The following EYA4 variants were observed in gnomAD, a reference collection of about 807,000 sequenced individuals.
The protein encoded by EYA4 is protein phosphatase EYA4.
EYA4 carries 31 observed loss-of-function variants against 87.9 expected under a neutral mutation model. The observed-to-expected ratio is 0.35, with a 90% confidence interval of 0.27 to 0.48. EYA4 has a LOEUF of 0.48. Ranked by LOEUF, EYA4 falls within the 20% of genes least tolerant of loss-of-function variation. EYA4 has a pLI of 0.99. For missense variants in EYA4, 678 were observed against 761.4 expected (o/e 0.89, Z 1.29); for synonymous variants, 263 against 270.6 (o/e 0.97, Z 0.28).
chr6:133,350,724 T>C (rs1425146884), intron 2 of EYA4, among the ~76,000 whole-genome samples: 1 of 152,128 alleles, frequency 6.6e-6, no homozygotes, highest in Non-Finnish European at 1.5e-5. Flanking sequence ...TCTTCACATT[T>C]GCTGATCTTT....
chr6:133,351,711 C>T (rs186483387), intron 2 of EYA4, among the ~76,000 whole-genome samples: 1 of 152,140 alleles, frequency 6.6e-6, no homozygotes, highest in Non-Finnish European at 1.5e-5. Context: ...TGTTTCATTA[C>T]AGGAAGGGTG....
chr6:133,382,286 T>A (rs529373917), intron 2 of EYA4, 106 bp from the exon 3 acceptor site: 472 of 818,794 alleles, frequency 5.8e-4, no homozygotes, highest in Non-Finnish European at 8.8e-4. Context: ...GGGGGGTATT[T>A]TATAGAGAAC....
chr6:133,357,600 A>G (rs1784164538), intron 2 of EYA4, among the ~76,000 whole-genome samples: 1 of 152,146 alleles, frequency 6.6e-6, no homozygotes, highest in African/African-American at 2.4e-5. Context: ...AAACACTTCC[A>G]TTTCCAGGTC....
chr6:133,352,054 G>T (rs564379034), intron 2 of EYA4, among the ~76,000 whole-genome samples: 2 of 150,716 alleles, frequency 1.3e-5, no homozygotes, highest in South Asian at 4.2e-4. Flanking sequence ...ACTTATTCTT[G>T]AACTATAGAT....
At chr6:133,400,173 C>T (rs1270586996) in intron 3 of EYA4, among the ~76,000 whole-genome samples, 1 of 152,094 alleles carries the variant, frequency 6.6e-6, no homozygotes, top group Non-Finnish European at 1.5e-5. Flanking sequence ...ATGTGCAAAA[C>T]AACACCATTA....
At chr6:133,351,165 G>A (rs1346264682) in intron 2 of EYA4, among the ~76,000 whole-genome samples, 1 of 152,150 alleles carries the variant, frequency 6.6e-6, no homozygotes, top group African/African-American at 2.4e-5. Flanking sequence ...GTATTATAGT[G>A]AGGCTGCTGA....
intron 13 of EYA4, among the ~76,000 whole-genome samples, chr6:133,504,852 A>G (rs1798453136): frequency 6.6e-6 from 1 of 152,150 alleles, no homozygotes; most frequent in Admixed American, 6.5e-5. Flanking sequence ...ACATTTCCCC[A>G]AGTTGAGATA....
intron 2 of EYA4, among the ~76,000 whole-genome samples, chr6:133,320,874 T>C (rs1781036641): frequency 6.6e-6 from 1 of 152,218 alleles, no homozygotes. Context: ...TATGGCCTCC[T>C]AGTATCCTGA....
chr6:133,412,595 T>C (rs1055384040), intron 3 of EYA4, among the ~76,000 whole-genome samples: 1 of 152,206 alleles, frequency 6.6e-6, no homozygotes, highest in Non-Finnish European at 1.5e-5. Context: ...TGTGAGAGCA[T>C]GTGTTTGTTA....
intron 2 of EYA4, among the ~76,000 whole-genome samples, chr6:133,352,230 TATACAATGTGATTCATATCAC>T (rs1486183647): frequency 2.6e-5 from 4 of 152,344 alleles, no homozygotes; most frequent in Non-Finnish European, 4.4e-5. Flanking sequence ...TCATCTTGTG[TATACAATGTGATTCATATCAC>T]ATACAATGTG....
At chr6:133,270,211 A>G (rs1288165165) in intron 1 of EYA4, among the ~76,000 whole-genome samples, 1 of 152,186 alleles carries the variant, frequency 6.6e-6, no homozygotes, top group Non-Finnish European at 1.5e-5. Context: ...ATTAACCATC[A>G]CAAGTCCACC....
Position 133,523,059 on chromosome 6 carries a change from T to C in EYA4, c.1620T>C (p.Ser540=), listed in dbSNP as rs200224388. 1.2e-6 allele frequency: 2 copies of C among 1,610,670 alleles called. No homozygotes were observed. Among genetic ancestry groups the C allele is most frequent in the South Asian group, 2.2e-5 (2 of 91,022 alleles). Residue 540 remains serine, a synonymous_variant, in exon 18 of 20, where the codon AGT becomes AGC. Transcript: ENST00000355286. ...LKSLSIISTR[S]NCINVLVTTT... The stretch of plus-strand genomic sequence containing the variant: ...GTATATTTCCTCCCTATTTTAGGAG[T>C]AACTGCATAAATGTCTTGGTAACGA...
chr6:133,489,093 G>C (rs1796921454), intron 13 of EYA4, among the ~76,000 whole-genome samples: 1 of 152,158 alleles, frequency 6.6e-6, no homozygotes, highest in South Asian at 2.1e-4. Context: ...TTCTGGAATT[G>C]AAAATGTAAT....
intron 2 of EYA4, among the ~76,000 whole-genome samples, chr6:133,303,473 C>T (rs937886591): frequency 6.6e-6 from 1 of 152,086 alleles, no homozygotes; most frequent in African/African-American, 2.4e-5. Context: ...GTGGTATGAA[C>T]CTGGAGAGAC....
intron 1 of EYA4, among the ~76,000 whole-genome samples, chr6:133,256,564 C>T (rs1276272881): frequency 6.6e-6 from 1 of 151,972 alleles, no homozygotes; most frequent in East Asian, 1.9e-4. Flanking sequence ...GACATTACTC[C>T]ATTATAAATG....
chr6:133,418,833 T>C (rs1789974206), intron 3 of EYA4, among the ~76,000 whole-genome samples: 1 of 150,554 alleles, frequency 6.6e-6, no homozygotes, highest in Admixed American at 6.6e-5. Context: ...TTTTGACATA[T>C]ATTTGAAAAG....
rs1285310746 is a variant in EYA4, at chr6:133,394,388, T to C, written c.83+11947T>C. 2.0e-5 allele frequency among the ~76,000 whole-genome samples: 3 copies of C among 149,936 alleles called. No individual in the cohort carries two copies. In the Admixed American group the frequency reaches 2.0e-4, roughly 10 times the overall value. On this transcript the variant is annotated intron_variant, in intron 3 of 19. Transcript: ENST00000355286. ...TATATCAAACAAATACTTGTCTTGC[T>C]TGGGTAGTAAGAGCCAAATAATACA...
intron 3 of EYA4, among the ~76,000 whole-genome samples, chr6:133,426,649 T>C (rs1169699236): frequency 6.6e-6 from 1 of 152,218 alleles, no homozygotes; most frequent in Non-Finnish European, 1.5e-5. Flanking sequence ...AATCAGACTT[T>C]TTTCTATTGT....
chr6:133,450,812 A>G (rs950729736), intron 5 of EYA4, among the ~76,000 whole-genome samples: 3 of 152,228 alleles, frequency 2.0e-5, no homozygotes, highest in Non-Finnish European at 4.4e-5. Flanking sequence ...CACCCAGCCT[A>G]ATTTTTTTTA....
Sources: gnomAD v4.1 joint callset for allele counts (sites outside exome capture counted in the v4.1 genomes callset) on GRCh38, gnomAD v4.1.1 for gene constraint, MANE v1.5 for transcripts, NCBI Gene and HGNC (gene_info 2026-07-23, HGNC 2026-07-21) for gene names.